TRPM1: variants seen among roughly 807,000 people sequenced by gnomAD.
TRPM1 encodes the protein TRPM1-203 APA Isoform, Intron 10.
A neutral mutation model predicts 149.4 loss-of-function variants in TRPM1; 113 were observed. The ratio of observed to expected loss-of-function variants is 0.76; its 90% CI spans 0.65 to 0.88. The LOEUF (loss-of-function observed/expected upper bound fraction) is 0.88. Ranked by LOEUF, TRPM1 falls within the 40% of genes least tolerant of loss-of-function variation. The probability of loss-of-function intolerance (pLI) is 0.00; values close to 1 mark genes in which losing one functional copy is unlikely to be tolerated. For synonymous variants in TRPM1, 741 were observed against 759.5 expected (o/e 0.98, Z 0.40); for missense variants, 1,976 against 2,038.7 (o/e 0.97, Z 0.59).
intron 10 of TRPM1, among the ~76,000 whole-genome samples, chr15:31,061,066 C>T (rs1385209958): frequency 2.0e-5 from 3 of 152,180 alleles, no homozygotes; most frequent in African/African-American, 4.8e-5. Flanking sequence ...CCTCCCCGCC[C>T]GGCCATGAAC....
chr15:31,046,802 G>A (rs2033776743), intron 15 of TRPM1, among the ~76,000 whole-genome samples: 1 of 152,226 alleles, frequency 6.6e-6, no homozygotes, highest in Admixed American at 6.5e-5. Flanking sequence ...TGCTTTGGAA[G>A]ATTATGGCAG....
chr15:31,035,594 C>A lies in TRPM1; in HGVS notation c.2652G>T (p.Trp884Cys), dbSNP rs760876026. The A allele has an allele frequency of 3.3e-5, 54 of 1,614,074 alleles. No individual in the cohort carries two copies. The highest frequency in any genetic ancestry group is 4.4e-5 in the Non-Finnish European group (52 of 1,180,042). Reference protein sequence around the residue: ...RMDGWPSLQEWIVISYIVSLA... With the variant: ...RMDGWPSLQECIVISYIVSLA... ...GGCTCACGATGTAGGAGATGACGAT[C>A]CACTCCTGGAGGGACGGCCAGCCAT... is the stretch of plus-strand genomic sequence containing the variant. Residue 884 changes from tryptophan to cysteine, a missense_variant, in exon 21 of 28, where the codon TGG (tryptophan) becomes TGT (cysteine). By Grantham distance (215) the Trp-to-Cys change is radical (BLOSUM62 -2). Coordinates refer to ENST00000256552, the MANE Select transcript of TRPM1 (RefSeq NM_001252024.2).
At chr15:31,071,173 G>A (rs1219734234) in intron 3 of TRPM1, among the ~76,000 whole-genome samples, 1 of 152,200 alleles carries the variant, frequency 6.6e-6, no homozygotes, top group Non-Finnish European at 1.5e-5. Context: ...ACTGTTTTGA[G>A]TGGACTGGAC....
At chr15:31,136,076 T>C (rs867847387) in intron 1 of TRPM1, among the ~76,000 whole-genome samples, 5 of 152,060 alleles carry the variant, frequency 3.3e-5, no homozygotes, top group South Asian at 2.1e-4. Flanking sequence ...ATAGGCGTTT[T>C]GGTCTGTGTG....
chr15:31,158,962 G>A (rs1484210493), intron 1 of TRPM1, among the ~76,000 whole-genome samples: 1 of 152,000 alleles, frequency 6.6e-6, no homozygotes, highest in African/African-American at 2.4e-5. Context: ...ATCTAGAGAC[G>A]AGGAATGCCT....
chr15:31,042,447 A>G, intron 16 of TRPM1: 1 of 641,968 alleles, frequency 1.6e-6, no homozygotes. Flanking sequence ...AAACCAAATG[A>G]ACTGAGAAGG....
At chr15:31,020,088 C>A (rs767511050) in intron 27 of TRPM1, among the ~76,000 whole-genome samples, 8 of 152,244 alleles carry the variant, frequency 5.3e-5, no homozygotes, top group East Asian at 1.9e-4. Context: ...TTTAAACATA[C>A]CCCAGACTTC....
chr15:31,139,868 A>G (rs1440990185), intron 1 of TRPM1, among the ~76,000 whole-genome samples: 1 of 152,256 alleles, frequency 6.6e-6, no homozygotes, highest in Non-Finnish European at 1.5e-5. Context: ...TAAATGGGAT[A>G]CAAATATATA....
At chr15:31,054,321 G>C (rs2034027710) in intron 11 of TRPM1, among the ~76,000 whole-genome samples, 1 of 152,028 alleles carries the variant, frequency 6.6e-6, no homozygotes, top group Admixed American at 6.6e-5. Flanking sequence ...TTGAGACGGA[G>C]TTTTGTTCTG....
chr15:31,136,446 A>G (rs2036089016), intron 1 of TRPM1, among the ~76,000 whole-genome samples: 1 of 152,230 alleles, frequency 6.6e-6, no homozygotes, highest in African/African-American at 2.4e-5. Context: ...TTTCAAGCAC[A>G]TGGAATGCCA....
chr15:31,146,875 C>T (rs2036230390), intron 1 of TRPM1, among the ~76,000 whole-genome samples: 1 of 152,036 alleles, frequency 6.6e-6, no homozygotes, highest in African/African-American at 2.4e-5. Context: ...GTAATCCCAG[C>T]TACTTGGGAG....
intron 1 of TRPM1, among the ~76,000 whole-genome samples, chr15:31,097,466 T>C (rs570356932): frequency 4.1e-4 from 63 of 152,310 alleles, no homozygotes; most frequent in African/African-American, 1.3e-3. Flanking sequence ...TTCACTTCCA[T>C]GGATCGATCA....
At chr15:31,029,559 C>T (rs1595992138) in intron 23 of TRPM1, among the ~76,000 whole-genome samples, 168 bp from the exon 24 acceptor site, 1 of 152,278 alleles carries the variant, frequency 6.6e-6, no homozygotes, top group South Asian at 2.1e-4. Flanking sequence ...TATTGATTCA[C>T]ACTTAGAAAC....
chr15:31,121,270 G>T (rs1454991648), intron 1 of TRPM1, among the ~76,000 whole-genome samples: 1 of 142,742 alleles, frequency 7.0e-6, no homozygotes, highest in Non-Finnish European at 1.5e-5. Context: ...GGTAATCTAA[G>T]TTTTCACCTT....
At position 31,002,413 on chromosome 15, in the gene TRPM1, T is replaced by C; in HGVS notation, c.4287A>G (p.Ile1429Met). The C allele has an allele frequency of 6.2e-7, 1 of 1,614,274 alleles. No homozygotes were observed. Residue 1429 changes from isoleucine (I) to methionine (M), a missense_variant, in exon 28 of 28, where the codon ATA becomes ATG. Coordinates refer to ENST00000256552, the MANE Select transcript of TRPM1 (RefSeq NM_001252024.2). ...NTQLTVETTNIEGTISYPLEE... is the reference protein window; with the variant it reads ...NTQLTVETTNMEGTISYPLEE... Reference sequence around the variant, plus strand: ...CCAGGGGATAGGAAATAGTGCCTTCTATATTTGTCGTTTCCACTGTTAGCT... The same window carrying C: ...CCAGGGGATAGGAAATAGTGCCTTCCATATTTGTCGTTTCCACTGTTAGCT...
intron 1 of TRPM1, among the ~76,000 whole-genome samples, chr15:31,135,458 G>T (rs1221609997): frequency 6.6e-6 from 1 of 152,046 alleles, no homozygotes; most frequent in African/African-American, 2.4e-5. Flanking sequence ...AAAAGAGAAT[G>T]ATCCATCCTA....
At chr15:31,067,014 CA>C (rs1567030167) in intron 6 of TRPM1, 48 bp downstream of exon 6, 1 of 1,612,070 alleles carries the variant, frequency 6.2e-7, no homozygotes. Context: ...ACCTCAAAAT[CA>C]ATCATTAATT....
rs779416258 is a variant in TRPM1, at chr15:31,063,279, G to A, written c.804C>T (p.Gly268=). The A allele has an allele frequency of 2.5e-5, 41 of 1,613,960 alleles. No homozygotes were observed. Among genetic ancestry groups the A allele is most frequent in the East Asian group, 2.2e-4 (10 of 44,886 alleles). The change falls in exon 8 of 28, where the codon GGC becomes GGT. Residue 268 remains glycine (G), a synonymous_variant. Coordinates refer to ENST00000256552, the MANE Select transcript of TRPM1 (RefSeq NM_001252024.2). ...LQKINTRLGQ[G]VPLVGLVVEG... ...CCACCACGAGACCCACGAGGGGCAC[G>A]CCCTGCCCCAGTCCTGCAACACAAA...
At chr15:31,146,317 G>C (rs1189051646) in intron 1 of TRPM1, among the ~76,000 whole-genome samples, 1 of 152,196 alleles carries the variant, frequency 6.6e-6, no homozygotes, top group Non-Finnish European at 1.5e-5. Flanking sequence ...AATAGTTCTG[G>C]TCACTCTCTC....
Sources: gnomAD v4.1 joint callset for allele counts (sites outside exome capture counted in the v4.1 genomes callset) on GRCh38, gnomAD v4.1.1 for gene constraint, MANE v1.5 for transcripts, NCBI Gene and HGNC (gene_info 2026-07-23, HGNC 2026-07-21) for gene names.